The following CEP112 variants were observed in gnomAD, a reference collection of about 807,000 sequenced individuals.
CEP112 encodes centrosomal protein of 112 kDa.
In CEP112, 127 loss-of-function variants were observed where a neutral mutation model predicts 153.0. The observed-to-expected ratio is 0.83, with a 90% CI of 0.72 to 0.96. The LOEUF is 0.96. CEP112 is among the 40% of genes least tolerant of loss of function. CEP112 has a pLI of 0.00. For synonymous variants in CEP112, 358 were observed against 374.4 expected, an observed-to-expected ratio of 0.96 and a Z score of 0.51; for missense variants, 1,089 against 1,101.2, an observed-to-expected ratio of 0.99 and a Z score of 0.16.
intron 17 of CEP112, among the ~76,000 whole-genome samples, chr17:65,991,449 T>A (rs1172404239): frequency 6.6e-6 from 1 of 152,130 alleles, no homozygotes; most frequent in African/African-American, 2.4e-5. Flanking sequence ...ATTCAAAAGT[T>A]ACAAACTTAA....
At chr17:65,953,248 C>G (rs1316243186) in intron 18 of CEP112, among the ~76,000 whole-genome samples, 2 of 152,084 alleles carry the variant, frequency 1.3e-5, no homozygotes, top group Non-Finnish European at 2.9e-5. Flanking sequence ...TCTACTAAGT[C>G]TTTTAACTGT....
intron 17 of CEP112, among the ~76,000 whole-genome samples, chr17:65,972,964 C>T (rs2062900500): frequency 6.6e-6 from 1 of 152,142 alleles, no homozygotes. Context: ...CGGGGTTTCA[C>T]CATGTTGGCC....
chr17:65,774,227 G>A (rs1414890580), intron 21 of CEP112, among the ~76,000 whole-genome samples: 1 of 152,178 alleles, frequency 6.6e-6, no homozygotes, highest in East Asian at 1.9e-4. Context: ...GAGGGATGGG[G>A]CATAATCGGG....
intron 8 of CEP112, among the ~76,000 whole-genome samples, chr17:66,070,534 G>A (rs561968625): frequency 2.6e-5 from 4 of 152,014 alleles, no homozygotes; most frequent in East Asian, 1.9e-4. Flanking sequence ...CTCTCTCCCG[G>A]AATCATAGAC....
At chr17:65,854,639 C>G (rs964334819) in intron 20 of CEP112, among the ~76,000 whole-genome samples, 3 of 152,148 alleles carry the variant, frequency 2.0e-5, no homozygotes, top group Non-Finnish European at 4.4e-5. Context: ...TGTGAGAGGA[C>G]TTTATATAAA....
chr17:65,782,901 T>C (rs1047591514), intron 21 of CEP112, among the ~76,000 whole-genome samples: 1 of 151,808 alleles, frequency 6.6e-6, no homozygotes, highest in Non-Finnish European at 1.5e-5. Context: ...ATTTGTACCA[T>C]AGACTTCAGC....
chr17:65,917,350 A>G (rs1390324014), intron 19 of CEP112, among the ~76,000 whole-genome samples: 1 of 152,194 alleles, frequency 6.6e-6, no homozygotes, highest in Non-Finnish European at 1.5e-5. Flanking sequence ...AAAGAGAGTA[A>G]GAGCAGCATA....
At chr17:66,076,059 C>T (rs916728487) in intron 8 of CEP112, among the ~76,000 whole-genome samples, 9 of 152,134 alleles carry the variant, frequency 5.9e-5, no homozygotes, top group South Asian at 2.1e-4. Flanking sequence ...CCTGGGAGCT[C>T]GCTGGGTCCC....
intron 20 of CEP112, among the ~76,000 whole-genome samples, chr17:65,894,989 G>A (rs2059609931): frequency 6.6e-6 from 1 of 152,040 alleles, no homozygotes. Flanking sequence ...TTTGAATTAT[G>A]ACTATCAGTA....
intron 21 of CEP112, among the ~76,000 whole-genome samples, chr17:65,777,920 T>C (rs570076020): frequency 2.6e-5 from 4 of 152,314 alleles, no homozygotes; most frequent in African/African-American, 7.2e-5. Flanking sequence ...TTACTTTTTC[T>C]TCAGTTCATT....
At chr17:65,681,724 A>T (rs1407053602) in intron 24 of CEP112, among the ~76,000 whole-genome samples, 2 of 143,168 alleles carry the variant, frequency 1.4e-5, no homozygotes, top group Admixed American at 7.4e-5. Context: ...CCCAGGCTGG[A>T]GTACAGTGGT....
chr17:65,831,514 G>A (rs1409124341), intron 21 of CEP112, among the ~76,000 whole-genome samples: 15 of 149,578 alleles, frequency 1.0e-4, no homozygotes, highest in Admixed American at 4.0e-4. Context: ...CCAAGATCGC[G>A]CCACTGCACT....
chr17:65,739,293 C>G (rs1016066009), intron 23 of CEP112, among the ~76,000 whole-genome samples: 4 of 152,188 alleles, frequency 2.6e-5, no homozygotes, highest in Admixed American at 2.6e-4. Flanking sequence ...AGATGTTGCT[C>G]TAAGCCATCA....
chr17:66,139,335 G>C (rs2070581754), intron 4 of CEP112, among the ~76,000 whole-genome samples: 1 of 152,232 alleles, frequency 6.6e-6, no homozygotes, highest in Admixed American at 6.5e-5. Context: ...TGGGTGCAGT[G>C]GCTCATGCCT....
intron 18 of CEP112, among the ~76,000 whole-genome samples, chr17:65,947,228 A>C (rs1376920034): frequency 1.4e-5 from 2 of 146,154 alleles, no homozygotes; most frequent in Non-Finnish European, 3.0e-5. Flanking sequence ...TGTGAACTCC[A>C]CTAGTTACAC....
Position 66,029,268 on chromosome 17 carries a change from T to A in CEP112, c.1374-16A>T, listed in dbSNP as rs1281119402. 7 of 1,599,578 alleles carry A rather than the reference T, an allele frequency of 4.4e-6. No homozygotes were observed. Among genetic ancestry groups the A allele is most frequent in the Non-Finnish European group, 6.0e-6 (7 of 1,173,704 alleles). ...TGTGTTACGCCTAAAAACAAGAGAA[T>A]AAAATAGACTTTCAATGTATTTAAA... On this transcript the variant is annotated splice_polypyrimidine_tract_variant and intron_variant, in intron 13 of 26. Coordinates refer to ENST00000535342, the MANE Select transcript of CEP112 (RefSeq NM_001199165.4).
intron 20 of CEP112, among the ~76,000 whole-genome samples, chr17:65,871,758 C>A (rs558231968): frequency 6.6e-6 from 1 of 152,340 alleles, no homozygotes; most frequent in South Asian, 2.1e-4. Flanking sequence ...CCTCGCTAGA[C>A]AACTTGACCT....
intron 16 of CEP112, among the ~76,000 whole-genome samples, chr17:66,014,216 G>A (rs2064670499): frequency 6.6e-6 from 1 of 152,134 alleles, no homozygotes. Flanking sequence ...GAGTGTGAGT[G>A]GGCCAGTGCA....
intron 19 of CEP112, among the ~76,000 whole-genome samples, chr17:65,916,749 G>A (rs553573073): frequency 4.6e-5 from 7 of 151,254 alleles, no homozygotes; most frequent in Non-Finnish European, 8.8e-5. Context: ...GCCTCACTAC[G>A]TTGCCCAGGC....
Sources: gnomAD v4.1 joint callset for allele counts (sites outside exome capture counted in the v4.1 genomes callset) on GRCh38, gnomAD v4.1.1 for gene constraint, MANE v1.5 for transcripts, NCBI Gene and HGNC (gene_info 2026-07-23, HGNC 2026-07-21) for gene names.